SSU72L3: variants seen among roughly 807,000 people sequenced by gnomAD.
SSU72L3 encodes the protein SSU72 like 3.
At chr11:4,330,022 T>C in the SSU72L3 span, 11 of 775,196 alleles carry the variant, frequency 1.4e-5, no homozygotes, top group East Asian at 4.9e-5. Flanking sequence ...AATCGTCCTG[T>C]AGTTTATGAT....
the SSU72L3 span, chr11:4,329,867 G>C: frequency 1.5e-5 from 11 of 713,540 alleles, no homozygotes; most frequent in Non-Finnish European, 2.8e-5. Context: ...CCACCATCAT[G>C]CTCTCCTCCC....
the SSU72L3 span, chr11:4,329,998 C>G: frequency 1.4e-5 from 11 of 769,054 alleles, no homozygotes; most frequent in Non-Finnish European, 2.2e-5. Flanking sequence ...GTGAGGCTAC[C>G]AGGACCAAGA....
At chr11:4,329,959 G>C in the SSU72L3 span, 9 of 747,200 alleles carry the variant, frequency 1.2e-5, no homozygotes, top group Non-Finnish European at 2.2e-5. Context: ...AAAGGGCTAA[G>C]TGTCCGGTCT....
chr11:4,330,112 A>G, the SSU72L3 span: 2 of 752,984 alleles, frequency 2.7e-6, no homozygotes, highest in Admixed American at 1.8e-5. Flanking sequence ...GGAATCTTAC[A>G]CATCTTGGGA....
At chr11:4,329,820 G>A in the SSU72L3 span, 3 of 633,654 alleles carry the variant, frequency 4.7e-6, no homozygotes, top group Non-Finnish European at 2.8e-6. Flanking sequence ...AGTCCCTGCA[G>A]CAACTGAGGT....
At chr11:4,329,837 G>C in the SSU72L3 span, 724 of 663,080 alleles carry the variant, frequency 1.1e-3, 32 homozygotes, top group African/African-American at 0.012. Flanking sequence ...AGGTGCCTGT[G>C]TCTCTCTGGT....
the SSU72L3 span, chr11:4,330,366 A>G: frequency 1.1e-5 from 8 of 760,990 alleles, no homozygotes; most frequent in Middle Eastern, 7.0e-4. Context: ...GTCAGACGAC[A>G]TAGAAGACAA....
At chr11:4,330,095 C>G in the SSU72L3 span, 633 of 766,306 alleles carry the variant, frequency 8.3e-4, 6 homozygotes, top group Non-Finnish European at 2.8e-4. Flanking sequence ...AACGCTACAC[C>G]CGCAACGGAA....
At chr11:4,329,899 G>A in the SSU72L3 span, 4 of 729,688 alleles carry the variant, frequency 5.5e-6, no homozygotes, top group African/African-American at 1.8e-5. Flanking sequence ...GCTGTGGTGT[G>A]CGTGAGCAAT....
chr11:4,330,291 G>A, the SSU72L3 span: 2 of 758,832 alleles, frequency 2.6e-6, no homozygotes, highest in Non-Finnish European at 4.8e-6. Context: ...GGACATCCAA[G>A]ATACCCTGGA....
chr11:4,330,707 A>G, the SSU72L3 span, among the ~76,000 whole-genome samples: 4 of 152,200 alleles, frequency 2.6e-5, no homozygotes, highest in African/African-American at 4.8e-5. Flanking sequence ...TCATGCTTAT[A>G]TCATTCTACA....
the SSU72L3 span, chr11:4,329,982 T>A: frequency 9.2e-6 from 7 of 757,864 alleles, no homozygotes; most frequent in South Asian, 1.4e-5. Context: ...TGGAACTGAA[T>A]CTCATGTGAG....
chr11:4,330,801 G>A, the SSU72L3 span, among the ~76,000 whole-genome samples: 81 of 151,444 alleles, frequency 5.3e-4, no homozygotes, highest in African/African-American at 1.9e-3. Context: ...TTTGTTTAAG[G>A]GTATTCAGCA....
At chr11:4,330,714 T>C in the SSU72L3 span, among the ~76,000 whole-genome samples, 2 of 152,210 alleles carry the variant, frequency 1.3e-5, no homozygotes, top group African/African-American at 2.4e-5. Flanking sequence ...TATATCATTC[T>C]ACAAGGAAGC....
At chr11:4,330,092 C>T in the SSU72L3 span, 12 of 766,822 alleles carry the variant, frequency 1.6e-5, 1 homozygote, top group Non-Finnish European at 2.4e-5. Context: ...GAGAACGCTA[C>T]ACCCGCAACG....
the SSU72L3 span, chr11:4,329,907 A>G: frequency 1.5e-5 from 11 of 729,658 alleles, 1 homozygote; most frequent in Non-Finnish European, 2.8e-5. Flanking sequence ...GTGCGTGAGC[A>G]ATGTCAACAG....
At chr11:4,330,855 C>T in the SSU72L3 span, among the ~76,000 whole-genome samples, 3 of 152,050 alleles carry the variant, frequency 2.0e-5, no homozygotes, top group Non-Finnish European at 4.4e-5. Context: ...AATAAACTTC[C>T]TTTTCTCAAT....
the SSU72L3 span, chr11:4,329,794 C>G: frequency 1.2e-5 from 7 of 596,580 alleles, 1 homozygote; most frequent in East Asian, 5.6e-5. Flanking sequence ...TATAGGTGGT[C>G]GTCTCCTCGG....
At chr11:4,329,997 C>A in the SSU72L3 span, 14 of 768,762 alleles carry the variant, frequency 1.8e-5, no homozygotes, top group Non-Finnish European at 3.1e-5. Flanking sequence ...TGTGAGGCTA[C>A]CAGGACCAAG....
Sources: gnomAD v4.1 joint callset for allele counts (sites outside exome capture counted in the v4.1 genomes callset) on GRCh38, gnomAD v4.1.1 for gene constraint, MANE v1.5 for transcripts, NCBI Gene and HGNC (gene_info 2026-07-23, HGNC 2026-07-21) for gene names.